The following PHF14 variants were observed in gnomAD, a reference collection of about 807,000 sequenced individuals.
The protein encoded by PHF14 is PHD finger protein 14.
A neutral mutation model predicts 117.9 loss-of-function variants in PHF14; 55 were observed. The ratio of observed to expected loss-of-function variants is 0.47; its 90% CI spans 0.38 to 0.58. The LOEUF is 0.58. Ranked by LOEUF, PHF14 falls within the 20% of genes least tolerant of loss-of-function variation. The probability of loss-of-function intolerance (pLI) is 0.00; values close to 1 mark genes in which losing one functional copy is unlikely to be tolerated. For missense variants in PHF14, 978 were observed against 1,122.2 expected (o/e 0.87, Z 1.84); for synonymous variants, 409 against 368.6 (o/e 1.11, Z -1.26).
At chr7:11,083,464 A>ATTTTTTTTTTT in intron 16 of PHF14, among the ~76,000 whole-genome samples, 1 of 112,310 alleles carries the variant, frequency 8.9e-6, no homozygotes, top group Non-Finnish European at 1.8e-5. Flanking sequence ...TGCTTTCCCT[A>ATTTTTTTTTTT]TTTTTTTTTT....
chr7:11,100,339 A>G (rs1562466252), intron 16 of PHF14, among the ~76,000 whole-genome samples: 1 of 152,020 alleles, frequency 6.6e-6, no homozygotes. Context: ...TTAGATGCTT[A>G]CTGTATCCCA....
intron 7 of PHF14, among the ~76,000 whole-genome samples, chr7:11,031,954 T>C (rs1784134721): frequency 6.6e-6 from 1 of 152,144 alleles, no homozygotes; most frequent in South Asian, 2.1e-4. Context: ...TGTAGAAAAT[T>C]ATATTTGAAA....
intron 4 of PHF14, among the ~76,000 whole-genome samples, chr7:10,997,288 G>C (rs1782689035): frequency 6.6e-6 from 1 of 152,150 alleles, no homozygotes; most frequent in African/African-American, 2.4e-5. Flanking sequence ...TGGCCATCTT[G>C]ACCTGAGAGA....
intron 17 of PHF14, among the ~76,000 whole-genome samples, chr7:11,147,687 C>T (rs187371243): frequency 6.6e-6 from 1 of 152,292 alleles, no homozygotes; most frequent in Non-Finnish European, 1.5e-5. Context: ...GTCTTCTTAA[C>T]TGAATTCTCC....
At chr7:11,022,551 G>C (rs1414845728) in intron 5 of PHF14, among the ~76,000 whole-genome samples, 1 of 152,124 alleles carries the variant, frequency 6.6e-6, no homozygotes, top group Non-Finnish European at 1.5e-5. Context: ...TTGAATAGTA[G>C]TTTTATGCAA....
At chr7:11,147,527 C>T (rs1026831252) in intron 17 of PHF14, among the ~76,000 whole-genome samples, 1 of 152,184 alleles carries the variant, frequency 6.6e-6, no homozygotes, top group African/African-American at 2.4e-5. Context: ...TCTTTCTTAT[C>T]AGACCCAATA....
intron 16 of PHF14, among the ~76,000 whole-genome samples, chr7:11,089,244 T>C (rs1458516548): frequency 6.6e-6 from 1 of 152,230 alleles, no homozygotes; most frequent in Non-Finnish European, 1.5e-5. Flanking sequence ...ATTAAAGTTA[T>C]CAGCTGTTTG....
At chr7:11,010,562 TTTAA>T (rs1783315170) in intron 4 of PHF14, among the ~76,000 whole-genome samples, 1 of 151,960 alleles carries the variant, frequency 6.6e-6, no homozygotes, top group Non-Finnish European at 1.5e-5. Flanking sequence ...AATTATATAG[TTTAA>T]TTTGTAACTA....
chr7:10,989,625 C>T (rs922526587), intron 3 of PHF14, among the ~76,000 whole-genome samples: 1 of 152,076 alleles, frequency 6.6e-6, no homozygotes, highest in African/African-American at 2.4e-5. Flanking sequence ...TTTATTAATA[C>T]GTCTTCCTAT....
intron 13 of PHF14, 66 bp downstream of exon 13, chr7:11,042,880 G>T (rs1784542945): frequency 3.7e-6 from 4 of 1,077,346 alleles, no homozygotes; most frequent in Non-Finnish European, 5.4e-6. Flanking sequence ...AGTATAAGAT[G>T]AAATACTATA....
chr7:11,109,369 CAT>C (rs1787368760), intron 16 of PHF14: 1 of 151,774 alleles, frequency 6.6e-6, no homozygotes, highest in Non-Finnish European at 1.5e-5. Context: ...CCTGTAGCAG[CAT>C]ATGTTATTCT....
At chr7:11,139,563 G>C (rs1788341851) in intron 17 of PHF14, among the ~76,000 whole-genome samples, 1 of 152,096 alleles carries the variant, frequency 6.6e-6, no homozygotes, top group South Asian at 2.1e-4. Context: ...ATCAGCCTTT[G>C]CTTTGAAATC....
At chr7:11,062,304 T>G in intron 16 of PHF14, 1 of 331,326 alleles carries the variant, frequency 3.0e-6, no homozygotes, top group Non-Finnish European at 5.4e-6. Context: ...TCTGCCTGTT[T>G]AACACAGGGA....
At position 10,999,900 on chromosome 7, in the gene PHF14, G is replaced by A. The variant is rs185163284; in HGVS notation, c.1045+9053G>A. ...TTAACTGACTTTGATGGCAGTCCAAGTTATAAATATTTTTGAGACTTTGCT... is the reference window on the plus strand; with the variant it reads ...TTAACTGACTTTGATGGCAGTCCAAATTATAAATATTTTTGAGACTTTGCT... On this transcript the variant is annotated intron_variant, in intron 4 of 17. Transcript: ENST00000634607. Among the ~76,000 whole-genome samples the A allele has an allele frequency of 2.7e-3, 411 of 152,272 alleles. 1 individual carries two copies. The highest frequency in any genetic ancestry group is 4.8e-3 in the Non-Finnish European group (326 of 68,020).
At chr7:11,087,192 T>C (rs1229678649) in intron 16 of PHF14, among the ~76,000 whole-genome samples, 1 of 109,972 alleles carries the variant, frequency 9.1e-6, no homozygotes, top group African/African-American at 3.8e-5. Flanking sequence ...GCACTGCCCT[T>C]CTTTCTTTTT....
chr7:10,978,289 T>C (rs1781937280), intron 2 of PHF14, among the ~76,000 whole-genome samples: 1 of 152,166 alleles, frequency 6.6e-6, no homozygotes, highest in Non-Finnish European at 1.5e-5. Flanking sequence ...AACATGTAAG[T>C]AAAATAAAAA....
At position 10,992,907 on chromosome 7, in the gene PHF14, C is replaced by A. The variant is rs531873078; in HGVS notation, c.1045+2060C>A. On this transcript the variant is annotated intron_variant, in intron 4 of 17. Coordinates refer to ENST00000634607, the MANE Select transcript of PHF14 (RefSeq NM_001007157.2). Reference sequence around the variant, plus strand: ...AGTCCTTGAGTTTCTGTCTCATAGACATTTTTAAATATATAGTCCAGTTTT... The same window carrying A: ...AGTCCTTGAGTTTCTGTCTCATAGAAATTTTTAAATATATAGTCCAGTTTT... Among the ~76,000 whole-genome samples the A allele has an allele frequency of 5.3e-5, 8 of 152,192 alleles. 1 individual carries two copies. Among genetic ancestry groups the A allele is most frequent in the African/African-American group, 1.7e-4 (7 of 41,536 alleles).
At chr7:11,149,097 A>C (rs1038089696) in intron 17 of PHF14, among the ~76,000 whole-genome samples, 2 of 152,082 alleles carry the variant, frequency 1.3e-5, no homozygotes, top group Non-Finnish European at 2.9e-5. Flanking sequence ...TCAAACCAAT[A>C]GTTAAGTGCC....
intron 17 of PHF14, among the ~76,000 whole-genome samples, chr7:11,122,708 C>CA (rs1440564920): frequency 6.6e-6 from 1 of 152,014 alleles, no homozygotes; most frequent in Admixed American, 6.6e-5. Flanking sequence ...TTCTCCTTGG[C>CA]AAAATGCCAT....
Sources: gnomAD v4.1 joint callset for allele counts (sites outside exome capture counted in the v4.1 genomes callset) on GRCh38, gnomAD v4.1.1 for gene constraint, MANE v1.5 for transcripts, NCBI Gene and HGNC (gene_info 2026-07-23, HGNC 2026-07-21) for gene names.